The following PSMB1 variants were observed in gnomAD, a reference collection of about 807,000 sequenced individuals.
The protein encoded by PSMB1 is proteasome subunit beta type-1.
A neutral mutation model predicts 25.4 loss-of-function variants in PSMB1; 7 were observed. The ratio of observed to expected loss-of-function variants is 0.28; its 90% confidence interval spans 0.16 to 0.52. The LOEUF is 0.52. PSMB1 is among the 20% of genes least tolerant of loss of function. PSMB1 has a pLI of 0.97. For missense variants in PSMB1, 284 were observed against 302.2 expected, an observed-to-expected ratio of 0.94 and a Z score of 0.45; for synonymous variants, 119 against 115.0, an observed-to-expected ratio of 1.03 and a Z score of -0.22.
At chr6:170,550,904 AGGG>A (rs11360199) in intron 1 of PSMB1, among the ~76,000 whole-genome samples, 38,008 of 77,152 alleles carry the variant, frequency 0.49, 7,932 homozygotes, top group East Asian at 0.62. Flanking sequence ...TGGGAGGCTG[AGGG>A]GGGGGGGGGG....
intron 2 of PSMB1, among the ~76,000 whole-genome samples, chr6:170,547,612 A>G (rs1778835520): frequency 6.6e-6 from 1 of 152,198 alleles, no homozygotes; most frequent in Non-Finnish European, 1.5e-5. Context: ...CCAATCCCCT[A>G]TAAGGCTTTA....
At chr6:170,549,144 A>G in intron 1 of PSMB1, 31 bp from the exon 2 acceptor site, 1 of 1,345,146 alleles carries the variant, frequency 7.4e-7, no homozygotes, top group Non-Finnish European at 1.1e-6. Flanking sequence ...TTAATTCTCC[A>G]GGGTGGTAAT....
rs1009092911 is a variant in PSMB1, at chr6:170,546,176, T to C, written c.230A>G (p.Lys77Arg). 3 of 1,613,892 alleles carry C rather than the reference T, an allele frequency of 1.9e-6. No individual in the cohort carries two copies. Among genetic ancestry groups the C allele is most frequent in the Non-Finnish European group, 2.5e-6 (3 of 1,179,854 alleles). Residue 77 changes from lysine to arginine, a missense_variant, in exon 3 of 6, where the codon AAA (lysine) becomes AGA (arginine). By Grantham distance (26) the Lys-to-Arg change is conservative (BLOSUM62 2). Coordinates refer to ENST00000262193, the MANE Select transcript of PSMB1 (RefSeq NM_002793.4). The part of the protein sequence containing the change: ...DSPKCYKLTD[K>R]TVIGCSGFHG... ...AAAACCGCTGCATCCAATGACTGTTTTGTCTGTTCTGTAAAAAGCACATTT... is the reference window on the plus strand; with the variant it reads ...AAAACCGCTGCATCCAATGACTGTTCTGTCTGTTCTGTAAAAAGCACATTT...
In PSMB1 at chr6:170,536,311, CAT is replaced by C. The variant is rs376919131; in HGVS notation, c.541-908_541-907del. ...TTATCATTTACTACCATAAAATACA[CAT>C]AAACTGATTATAAAAAGTTAAAGTG... On this transcript the variant is annotated intron_variant, in intron 5 of 5. Transcript: ENST00000262193. 5.1e-5 allele frequency: 23 copies of C among 446,682 alleles called. 1 individual carries two copies. The highest frequency in any genetic ancestry group is 2.8e-4 in the African/African-American group (14 of 49,676). 27.7% of individuals were successfully genotyped at this position (446,682 alleles called of 1,614,324 possible).
chr6:170,535,239 A>G lies in PSMB1; in HGVS notation c.707T>C (p.Val236Ala). ...VTKEGIREET[V>A]SLRKD ...CACAGATCAGTCCTTCCTTAAGGAA[A>G]CAGTTTCCTCCCTGATGCCCTCTTT... Residue 236 changes from valine (V) to alanine (A), a missense_variant, in exon 6 of 6, where the codon GTT becomes GCT. Coordinates refer to ENST00000262193, the MANE Select transcript of PSMB1 (RefSeq NM_002793.4). The G allele has an allele frequency of 1.9e-6, 3 of 1,614,124 alleles. No homozygotes were observed. In the South Asian group the frequency reaches 3.3e-5, roughly 18 times the overall value.
At chr6:170,550,035 G>A (rs1778871768) in intron 1 of PSMB1, 1 of 152,168 alleles carries the variant, frequency 6.6e-6, no homozygotes, top group Non-Finnish European at 1.5e-5. Context: ...GTGTCACAAG[G>A]TGTGTATATA....
chr6:170,539,716 C>G (rs1029029796), intron 4 of PSMB1, among the ~76,000 whole-genome samples: 1 of 152,134 alleles, frequency 6.6e-6, no homozygotes, highest in Non-Finnish European at 1.5e-5. Flanking sequence ...TGACCCAATA[C>G]TTCAACTACT....
intron 4 of PSMB1, among the ~76,000 whole-genome samples, chr6:170,543,261 T>C (rs574605282): frequency 6.6e-6 from 1 of 152,292 alleles, no homozygotes; most frequent in African/African-American, 2.4e-5. Flanking sequence ...GTGTATTTGT[T>C]AATAAAAAAA....
At chr6:170,547,203 C>T (rs543439070) in intron 2 of PSMB1, among the ~76,000 whole-genome samples, 1 of 152,266 alleles carries the variant, frequency 6.6e-6, no homozygotes, top group South Asian at 2.1e-4. Flanking sequence ...TAAATACACA[C>T]CACTCTCACC....
At chr6:170,535,485 C>T in intron 5 of PSMB1, 80 bp from the exon 6 acceptor site, 1 of 1,206,716 alleles carries the variant, frequency 8.3e-7, no homozygotes, top group Non-Finnish European at 1.2e-6. Flanking sequence ...CCAATACCCT[C>T]ATGTGTACGA....
chr6:170,549,061 G>T lies in PSMB1; in HGVS notation c.166C>A (p.Arg56=). ...TGAATTGAAAACCCTTCACTCAATC[G>T]AGTATCAGAAGCAACAATTGCAAAA... ...EDFAIVASDT[R]LSEGFSIHTR... The change falls in exon 2 of 6, where the codon CGA becomes AGA. Residue 56 remains arginine (R), a synonymous_variant. Coordinates refer to ENST00000262193, the MANE Select transcript of PSMB1 (RefSeq NM_002793.4). 1.2e-6 allele frequency: 2 copies of T among 1,613,826 alleles called. No homozygotes were observed. Among genetic ancestry groups the T allele is most frequent in the Non-Finnish European group, 1.7e-6 (2 of 1,179,892 alleles).
intron 1 of PSMB1, among the ~76,000 whole-genome samples, chr6:170,552,195 G>C (rs1189494277): frequency 6.6e-6 from 1 of 152,170 alleles, no homozygotes. Context: ...GGGATTACAG[G>C]TGCGAGCCAC....
intron 1 of PSMB1, chr6:170,549,576 A>T (rs893639404): frequency 6.6e-6 from 1 of 152,426 alleles, no homozygotes; most frequent in Non-Finnish European, 1.5e-5. Context: ...TTATTTCTTT[A>T]TACCCAATCC....
intron 4 of PSMB1, among the ~76,000 whole-genome samples, chr6:170,540,052 A>G (rs1306534610): frequency 1.3e-5 from 2 of 151,924 alleles, no homozygotes; most frequent in Non-Finnish European, 2.9e-5. Flanking sequence ...TGTTTTCACT[A>G]CAGAAAAACT....
chr6:170,550,631 A>G (rs1403546829), intron 1 of PSMB1, among the ~76,000 whole-genome samples: 2 of 152,240 alleles, frequency 1.3e-5, no homozygotes, highest in African/African-American at 4.8e-5. Context: ...TGACAATAAC[A>G]TAGTATGTGA....
At chr6:170,544,213 G>A (rs1778789709) in intron 3 of PSMB1, among the ~76,000 whole-genome samples, 1 of 106,074 alleles carries the variant, frequency 9.4e-6, no homozygotes, top group South Asian at 2.7e-4. Flanking sequence ...TTACTATCTG[G>A]TCCTTTACAG....
At chr6:170,552,064 CA>C (rs1228147591) in intron 1 of PSMB1, among the ~76,000 whole-genome samples, 1 of 152,188 alleles carries the variant, frequency 6.6e-6, no homozygotes, top group African/African-American at 2.4e-5. Context: ...AACCAATTAA[CA>C]TTTTTGCTTT....
chr6:170,543,118 T>C (rs1778775612), intron 4 of PSMB1, among the ~76,000 whole-genome samples: 1 of 152,228 alleles, frequency 6.6e-6, no homozygotes, highest in African/African-American at 2.4e-5. Flanking sequence ...CAAGACTTAA[T>C]ATTCTCAGGG....
intron 4 of PSMB1, among the ~76,000 whole-genome samples, chr6:170,540,294 G>T (rs534467397): frequency 3.3e-5 from 5 of 152,120 alleles, no homozygotes; most frequent in Non-Finnish European, 7.4e-5. Context: ...GGACTTAGGG[G>T]ACCAGGCTCT....
Sources: gnomAD v4.1 joint callset for allele counts (sites outside exome capture counted in the v4.1 genomes callset) on GRCh38, gnomAD v4.1.1 for gene constraint, MANE v1.5 for transcripts, NCBI Gene and HGNC (gene_info 2026-07-23, HGNC 2026-07-21) for gene names.